The following IL6ST variants were observed in gnomAD, a reference collection of about 807,000 sequenced individuals.
The protein encoded by IL6ST is interleukin-6 receptor subunit beta.
A neutral mutation model predicts 91.3 loss-of-function variants in IL6ST; 24 were observed. The ratio of observed to expected loss-of-function variants is 0.26; its 90% CI spans 0.19 to 0.37. IL6ST has a LOEUF of 0.37. IL6ST is among the 10% of genes least tolerant of loss of function. IL6ST has a pLI of 1.00. For missense variants in IL6ST, 914 were observed against 1,078.5 expected, an observed-to-expected ratio of 0.85 and a Z score of 2.14; for synonymous variants, 351 against 373.6, an observed-to-expected ratio of 0.94 and a Z score of 0.70.
intron 1 of IL6ST, among the ~76,000 whole-genome samples, chr5:55,984,298 T>A (rs1357328475): frequency 6.6e-6 from 1 of 152,236 alleles, no homozygotes; most frequent in Non-Finnish European, 1.5e-5. Flanking sequence ...TTAATTTTCT[T>A]TTTGTTTGTT....
In IL6ST at chr5:55,941,365, C is replaced by G; in HGVS notation, c.2474G>C (p.Ser825Thr). 1 of 1,614,138 alleles carries G rather than the reference C, an allele frequency of 6.2e-7. No homozygotes were observed. The highest frequency in any genetic ancestry group is 8.5e-7 in the Non-Finnish European group (1 of 1,179,996). ...CCTTTCAAAATGTGAAATATCTGGA[C>G]TGGATTCATGCTGACTGCAGTTCTG... ...FKQNCSQHESSPDISHFERSK... is the reference protein window; with the variant it reads ...FKQNCSQHESTPDISHFERSK... Residue 825 changes from serine to threonine, a missense_variant, in exon 17 of 17, where the codon AGT becomes ACT. Ser to Thr is a moderately conservative substitution (Grantham distance 58, BLOSUM62 1). Coordinates refer to ENST00000381298, the MANE Select transcript of IL6ST (RefSeq NM_002184.4).
chr5:55,957,575 A>C (rs1042751658), intron 8 of IL6ST, among the ~76,000 whole-genome samples: 1 of 152,140 alleles, frequency 6.6e-6, no homozygotes, highest in Non-Finnish European at 1.5e-5. Flanking sequence ...TCTTTCTTAT[A>C]ACTTCATGTT....
At position 55,938,938 on chromosome 5, in the gene IL6ST, A is replaced by G. The variant is rs1267827503; in HGVS notation, c.*2144T>C. 1 of 203,166 alleles carries G rather than the reference A, an allele frequency of 4.9e-6. No homozygotes were observed. The highest frequency in any genetic ancestry group is 1.0e-5 in the Non-Finnish European group (1 of 98,996). 12.6% of individuals were successfully genotyped at this position (203,166 alleles called of 1,614,324 possible). A position where few individuals can be genotyped will look rare whatever the true frequency, so the allele number is the denominator to read the frequency against. On this transcript the variant is annotated 3_prime_UTR_variant, in exon 17 of 17. Transcript: ENST00000381298. ...TGTTTTATACAGGCTTCAACATGCAAATTTGTTTATATCATGGCCTTCAAT... is the reference window on the plus strand; with the variant it reads ...TGTTTTATACAGGCTTCAACATGCAGATTTGTTTATATCATGGCCTTCAAT...
In IL6ST at chr5:55,937,916, T is replaced by G. The variant is rs1750637512; in HGVS notation, c.*3166A>C. 1 of 198,092 alleles carries G rather than the reference T, an allele frequency of 5.0e-6. No individual in the cohort carries two copies. The highest frequency in any genetic ancestry group is 2.3e-5 in the African/African-American group (1 of 43,452). The allele number at this position is 198,092 out of a possible 1,614,324, so 12.3% of individuals were successfully genotyped here. A position where few individuals can be genotyped will look rare whatever the true frequency, so the allele number is the denominator to read the frequency against. On this transcript the variant is annotated 3_prime_UTR_variant, in exon 17 of 17. Coordinates refer to ENST00000381298, the MANE Select transcript of IL6ST (RefSeq NM_002184.4). ...AGAATGAAGGAAGATCTCTCCTGCT[T>G]GATGTACTTGGTCAATATATGTTAG...
chr5:55,944,856 G>T (rs1175371260), intron 15 of IL6ST: 53 of 582,702 alleles, frequency 9.1e-5, no homozygotes, highest in Non-Finnish European at 6.4e-6. Context: ...AATGGATCTA[G>T]AACTTCATCG....
intron 2 of IL6ST, among the ~76,000 whole-genome samples, chr5:55,980,165 A>G (rs1753569407): frequency 6.6e-6 from 1 of 152,230 alleles, no homozygotes; most frequent in Non-Finnish European, 1.5e-5. Context: ...TCAGGGTGGT[A>G]GGGAGACGCT....
At chr5:55,957,784 A>G (rs1752077843) in intron 8 of IL6ST, among the ~76,000 whole-genome samples, 1 of 152,044 alleles carries the variant, frequency 6.6e-6, no homozygotes, top group African/African-American at 2.4e-5. Context: ...TTCTAATTAT[A>G]TTTATAAAAA....
At position 55,952,078 on chromosome 5, in the gene IL6ST, G is replaced by A. The variant is rs767953259; in HGVS notation, c.1553-3C>T. The A allele has an allele frequency of 1.9e-6, 3 of 1,606,954 alleles. No homozygotes were observed. Among genetic ancestry groups the A allele is most frequent in the Non-Finnish European group, 2.5e-6 (3 of 1,178,116 alleles). On this transcript the variant is annotated splice_region_variant and splice_polypyrimidine_tract_variant and intron_variant, in intron 12 of 16. Coordinates refer to ENST00000381298, the MANE Select transcript of IL6ST (RefSeq NM_002184.4). ...AACAGTAGGTCCTTTGGAAGGTGCT[G>A]TAACAGAGTGAACACATTTGCTAAC...
chr5:55,945,664 T>TTTTTC, intron 15 of IL6ST, among the ~76,000 whole-genome samples: 1 of 130,666 alleles, frequency 7.7e-6, no homozygotes, highest in African/African-American at 2.8e-5. Flanking sequence ...TTTTTTTTTT[T>TTTTTC]TTTTTTTTTT....
chr5:55,982,930 GA>G (rs1224836727), intron 1 of IL6ST, 119 bp from the exon 2 acceptor site: 4 of 351,862 alleles, frequency 1.1e-5, no homozygotes, highest in Admixed American at 9.4e-5. Context: ...TCCTACTTTA[GA>G]TATGTTCTGA....
At chr5:55,970,825 T>C (rs979412391) in intron 3 of IL6ST, among the ~76,000 whole-genome samples, 1 of 152,002 alleles carries the variant, frequency 6.6e-6, no homozygotes, top group African/African-American at 2.4e-5. Flanking sequence ...GAGAATCACC[T>C]GAACCCAGGA....
rs1020528370 is a variant in IL6ST, at chr5:55,941,676, A to G, written c.2163T>C (p.Thr721=). ...LDLFKKEKIN[T]EGHSSGIGGS... ...CCCCAATACCACTGCTGTGTCCTTC[A>G]GTATTAATTTTTTCCTTTTTGAACA... is the stretch of plus-strand genomic sequence containing the variant. The change falls in exon 17 of 17, where the codon ACT becomes ACC. Residue 721 remains threonine, a synonymous_variant. Transcript: ENST00000381298. 1 of 1,614,140 alleles carries G rather than the reference A, an allele frequency of 6.2e-7. No individual in the cohort carries two copies. The highest frequency in any genetic ancestry group is 2.2e-5 in the East Asian group (1 of 44,888).
At position 55,969,873 on chromosome 5, in the gene IL6ST, AAAAT is replaced by A. The variant is rs752377095; in HGVS notation, c.65-22_65-19del. The A allele has an allele frequency of 1.3e-6, 2 of 1,526,442 alleles. No homozygotes were observed. The highest frequency in any genetic ancestry group is 2.7e-5 in the African/African-American group (2 of 72,764). 94.6% of individuals were successfully genotyped at this position (1,526,442 alleles called of 1,614,324 possible). A position where few individuals can be genotyped will look rare whatever the true frequency, so the allele number is the denominator to read the frequency against. The stretch of plus-strand genomic sequence containing the variant: ...AAGTTCACCTAAAAAGGAACAATAG[AAAAT>A]ATATAAATGGACTGAATTTTTCTGG... On this transcript the variant is annotated intron_variant, in intron 3 of 16. Coordinates refer to ENST00000381298, the MANE Select transcript of IL6ST (RefSeq NM_002184.4).
At chr5:55,973,034 AG>A (rs1317027875) in intron 3 of IL6ST, among the ~76,000 whole-genome samples, 2 of 152,082 alleles carry the variant, frequency 1.3e-5, no homozygotes, top group Non-Finnish European at 1.5e-5. Flanking sequence ...AAAAAAAAAA[AG>A]AATATACTAT....
In IL6ST at chr5:55,954,891, A is replaced by G. The variant is rs969566612; in HGVS notation, c.1369T>C (p.Trp457Arg). ...RESVKKYILEWCVLSDKAPCI... is the reference protein window; with the variant it reads ...RESVKKYILERCVLSDKAPCI... The stretch of plus-strand genomic sequence containing the variant: ...GGTGCTTTATCTGATAACACACACC[A>G]CTCAAGTATATATTTCTTTACAGAT... Residue 457 changes from tryptophan to arginine, a missense_variant, in exon 11 of 17, where the codon TGG becomes CGG. Transcript: ENST00000381298. 3 of 1,613,024 alleles carry G rather than the reference A, an allele frequency of 1.9e-6. No homozygotes were observed. The highest frequency in any genetic ancestry group is 2.5e-6 in the Non-Finnish European group (3 of 1,179,052).
At chr5:55,994,164 G>T (rs912224074) in intron 1 of IL6ST, 2 of 144,530 alleles carry the variant, frequency 1.4e-5, no homozygotes, top group Non-Finnish European at 3.0e-5. Flanking sequence ...ACAGACCCTT[G>T]CTTCCTGCAC....
intron 15 of IL6ST, among the ~76,000 whole-genome samples, chr5:55,943,000 A>T (rs1023994144): frequency 6.6e-6 from 1 of 151,808 alleles, no homozygotes. Context: ...CAGTGTTCAA[A>T]TTTTTTTTTA....
chr5:55,960,288 G>T, intron 8 of IL6ST, 114 bp downstream of exon 8: 1 of 808,174 alleles, frequency 1.2e-6, no homozygotes, highest in Non-Finnish European at 2.0e-6. Flanking sequence ...AAATACTGCA[G>T]TTTGAATAAA....
intron 3 of IL6ST, among the ~76,000 whole-genome samples, chr5:55,974,936 T>TAC (rs376327228): frequency 0.2 from 30,076 of 147,054 alleles, 3,587 homozygotes; most frequent in Non-Finnish European, 0.27. Context: ...GTATTATTCA[T>TAC]ACACACACAC....
Sources: gnomAD v4.1 joint callset for allele counts (sites outside exome capture counted in the v4.1 genomes callset) on GRCh38, gnomAD v4.1.1 for gene constraint, MANE v1.5 for transcripts, NCBI Gene and HGNC (gene_info 2026-07-23, HGNC 2026-07-21) for gene names.